AFG1L: variants seen among roughly 807,000 people sequenced by gnomAD.
AFG1L encodes AFG1 like ATPase, also known as AFG1-like ATPase.
Under a neutral mutation model 62.2 loss-of-function variants are expected in AFG1L, and 53 were observed. That is an observed-to-expected ratio of 0.85 (90% CI 0.68 to 1.07). AFG1L has a LOEUF of 1.07. Ranked by LOEUF, AFG1L falls within the 50% of genes least tolerant of loss-of-function variation. The pLI is 0.00. For missense variants in AFG1L, 555 were observed against 590.5 expected, an observed-to-expected ratio of 0.94 and a Z score of 0.62; for synonymous variants, 228 against 210.3, an observed-to-expected ratio of 1.08 and a Z score of -0.73.
chr6:108,305,721 C>A (rs1777176818), intron 1 of AFG1L, among the ~76,000 whole-genome samples: 1 of 152,146 alleles, frequency 6.6e-6, no homozygotes, highest in Non-Finnish European at 1.5e-5. Context: ...TCGTGAGCTA[C>A]CACACCAGGC....
chr6:108,418,203 G>A (rs1770412588), intron 7 of AFG1L, among the ~76,000 whole-genome samples: 1 of 152,206 alleles, frequency 6.6e-6, no homozygotes, highest in Non-Finnish European at 1.5e-5. Flanking sequence ...AGTAGCCTGT[G>A]ATAGTTTATA....
At chr6:108,381,274 G>T (rs926701130) in intron 6 of AFG1L, among the ~76,000 whole-genome samples, 1 of 151,712 alleles carries the variant, frequency 6.6e-6, no homozygotes, top group South Asian at 2.1e-4. Context: ...AAAGCTTCAA[G>T]TAAATTATTC....
chr6:108,334,594 C>T (rs1395846391), intron 2 of AFG1L, among the ~76,000 whole-genome samples: 4 of 20,022 alleles, frequency 2.0e-4, no homozygotes, highest in African/African-American at 4.9e-4. Flanking sequence ...TTAGCACAGT[C>T]CTCCAGAAAG....
chr6:108,509,630 A>G (rs1774558375), intron 10 of AFG1L, among the ~76,000 whole-genome samples: 1 of 152,190 alleles, frequency 6.6e-6, no homozygotes, highest in African/African-American at 2.4e-5. Context: ...GGCTAGAGAT[A>G]TTCTTTAACT....
chr6:108,379,870 G>A (rs1780420789), intron 6 of AFG1L, among the ~76,000 whole-genome samples: 1 of 152,062 alleles, frequency 6.6e-6, no homozygotes. Flanking sequence ...AGATGAGAGG[G>A]TGCTCTGAAT....
chr6:108,402,078 GT>G (rs200574862), intron 7 of AFG1L, 24 bp downstream of exon 7: 1 of 1,273,464 alleles, frequency 7.9e-7, no homozygotes, highest in South Asian at 1.5e-5. Context: ...ATTTATTTGT[GT>G]TTACTAAGAT....
intron 10 of AFG1L, among the ~76,000 whole-genome samples, chr6:108,490,277 T>C (rs1194709167): frequency 6.6e-6 from 1 of 152,188 alleles, no homozygotes; most frequent in Non-Finnish European, 1.5e-5. Context: ...GGAGAATCAC[T>C]TGAACCCAGG....
intron 8 of AFG1L, among the ~76,000 whole-genome samples, chr6:108,451,875 C>T (rs541300572): frequency 4.6e-5 from 7 of 152,128 alleles, no homozygotes; most frequent in African/African-American, 9.6e-5. Context: ...CCACCACACC[C>T]GGCTAATTTT....
chr6:108,345,983 G>A (rs1403608230), intron 2 of AFG1L, among the ~76,000 whole-genome samples: 3 of 152,156 alleles, frequency 2.0e-5, no homozygotes, highest in African/African-American at 7.2e-5. Flanking sequence ...AGCTGTCATT[G>A]TTTGGGGAGC....
rs1301595735 is a variant in AFG1L, at chr6:108,388,616, G to A, written c.749-13380G>A. Among the ~76,000 whole-genome samples the A allele has an allele frequency of 3.7e-4, 56 of 152,034 alleles. No individual in the cohort carries two copies. The East Asian group carries it at 0.01, about 28-fold the overall frequency. ...GGTTTCAAAGAACATCTTTATTTCT[G>A]CCTTCATTTCGTTATGTACCCAGTA... On this transcript the variant is annotated intron_variant, in intron 6 of 12. Transcript: ENST00000368977.
chr6:108,518,929 G>A (rs1175074982), intron 11 of AFG1L, among the ~76,000 whole-genome samples: 1 of 152,192 alleles, frequency 6.6e-6, no homozygotes, highest in East Asian at 1.9e-4. Flanking sequence ...GTGTCCCTGG[G>A]GAGCGTCTTA....
intron 7 of AFG1L, among the ~76,000 whole-genome samples, chr6:108,425,767 T>C (rs542809115): frequency 6.6e-6 from 1 of 152,290 alleles, no homozygotes; most frequent in East Asian, 1.9e-4. Context: ...GATAAGGAAC[T>C]CTTTATCTTT....
chr6:108,383,827 AAAGAAAAAATATTTCT>A (rs1780646094), intron 6 of AFG1L, among the ~76,000 whole-genome samples: 1 of 152,158 alleles, frequency 6.6e-6, no homozygotes, highest in Non-Finnish European at 1.5e-5. Flanking sequence ...ATGAAAGATC[AAAGAAAAAATATTTCT>A]TAGAGCAAAA....
intron 2 of AFG1L, among the ~76,000 whole-genome samples, chr6:108,345,513 C>T (rs892052221): frequency 2.6e-5 from 4 of 151,736 alleles, no homozygotes; most frequent in Admixed American, 2.6e-4. Context: ...GAGTACATCA[C>T]CATGCCGGCT....
chr6:108,388,637 C>G, intron 6 of AFG1L, among the ~76,000 whole-genome samples: 1 of 151,508 alleles, frequency 6.6e-6, no homozygotes. Context: ...GTTATGTACC[C>G]AGTAGTCATT....
chr6:108,357,213 G>A (rs1352660060), intron 5 of AFG1L, among the ~76,000 whole-genome samples: 1 of 152,058 alleles, frequency 6.6e-6, no homozygotes, highest in East Asian at 1.9e-4. Flanking sequence ...TGAGTAGCTG[G>A]AACTATAGGC....
At chr6:108,490,213 G>T (rs538126494) in intron 10 of AFG1L, among the ~76,000 whole-genome samples, 1 of 152,274 alleles carries the variant, frequency 6.6e-6, no homozygotes, top group African/African-American at 2.4e-5. Flanking sequence ...ACAAAAATTA[G>T]CTGGGTGTGG....
At chr6:108,301,658 T>C (rs1777006098) in intron 1 of AFG1L, among the ~76,000 whole-genome samples, 1 of 152,152 alleles carries the variant, frequency 6.6e-6, no homozygotes, top group Non-Finnish European at 1.5e-5. Context: ...TCATGAAGAG[T>C]ACAATAGCAA....
intron 8 of AFG1L, among the ~76,000 whole-genome samples, chr6:108,465,635 G>A (rs1182986323): frequency 6.7e-6 from 1 of 148,214 alleles, no homozygotes; most frequent in Non-Finnish European, 1.5e-5. Context: ...ACTAACAAGA[G>A]GGCCCTAGAG....
Sources: gnomAD v4.1 joint callset for allele counts (sites outside exome capture counted in the v4.1 genomes callset) on GRCh38, gnomAD v4.1.1 for gene constraint, MANE v1.5 for transcripts, NCBI Gene and HGNC (gene_info 2026-07-23, HGNC 2026-07-21) for gene names.